The following AOAH variants were observed in gnomAD, a reference collection of about 807,000 sequenced individuals.
AOAH encodes the protein acyloxyacyl hydrolase (neutrophil).
Under a neutral mutation model 92.2 loss-of-function variants are expected in AOAH, and 64 were observed. That is an observed-to-expected ratio of 0.69 (90% CI 0.57 to 0.86). The LOEUF is 0.86. Among genes scored for constraint, AOAH ranks in the 40% least tolerant of loss-of-function variants. The pLI, the probability that AOAH is intolerant of heterozygous loss-of-function variation, is 0.00. For missense variants in AOAH, 656 were observed against 694.6 expected, an observed-to-expected ratio of 0.94 and a Z score of 0.62; for synonymous variants, 263 against 254.5, an observed-to-expected ratio of 1.03 and a Z score of -0.32.
chr7:36,575,384 C>T (rs1480552123), intron 13 of AOAH, among the ~76,000 whole-genome samples: 1 of 152,152 alleles, frequency 6.6e-6, no homozygotes, highest in African/African-American at 2.4e-5. Context: ...TCCATTTCCC[C>T]AGCTGCTACG....
At chr7:36,536,676 C>T (rs557093620) in intron 16 of AOAH, among the ~76,000 whole-genome samples, 41 of 152,242 alleles carry the variant, frequency 2.7e-4, no homozygotes, top group African/African-American at 8.9e-4. Context: ...CAGCTGGGAA[C>T]GGTGGCTCAT....
intron 13 of AOAH, among the ~76,000 whole-genome samples, chr7:36,560,915 C>T (rs1228844161): frequency 3.3e-5 from 5 of 152,186 alleles, no homozygotes; most frequent in Admixed American, 6.5e-5. Context: ...TTTACCTACT[C>T]CATCCATTTC....
chr7:36,519,347 G>T (rs570191141), intron 20 of AOAH, among the ~76,000 whole-genome samples: 124 of 152,354 alleles, frequency 8.1e-4, no homozygotes, highest in Non-Finnish European at 1.0e-3. Flanking sequence ...AGTTGCCTCT[G>T]CTCAGAATAC....
chr7:36,517,226 G>T (rs55933702), intron 20 of AOAH, among the ~76,000 whole-genome samples: 44,741 of 120,538 alleles, frequency 0.37, 10,125 homozygotes, highest in Middle Eastern at 0.5. Flanking sequence ...CTTTCTTTCT[G>T]TCTCTCTCTC....
chr7:36,557,023 CATT>C (rs1786784093), intron 13 of AOAH, among the ~76,000 whole-genome samples: 1 of 151,906 alleles, frequency 6.6e-6, no homozygotes, highest in South Asian at 2.1e-4. Flanking sequence ...TTGATCCTGT[CATT>C]ATGATATTAG....
Position 36,548,693 on chromosome 7 carries a change from A to C in AOAH, c.1059-7T>G. On this transcript the variant is annotated splice_polypyrimidine_tract_variant and splice_region_variant and intron_variant, in intron 14 of 20. Transcript: ENST00000617537. The stretch of plus-strand genomic sequence containing the variant: ...CACCTTGTTTCTAGACAAGCTGAGA[A>C]GGCATAGATGGAATCTGAATGTCAG... The C allele has an allele frequency of 6.2e-7, 1 of 1,611,846 alleles. No homozygotes were observed. Among genetic ancestry groups the C allele is most frequent in the Non-Finnish European group, 8.5e-7 (1 of 1,178,076 alleles).
intron 2 of AOAH, among the ~76,000 whole-genome samples, chr7:36,682,923 C>T (rs555473521): frequency 3.3e-5 from 5 of 151,714 alleles, no homozygotes; most frequent in South Asian, 2.1e-4. Flanking sequence ...TCAAGGAAAC[C>T]GAACAAACAC....
At chr7:36,721,561 C>T (rs1366775053) in intron 1 of AOAH, among the ~76,000 whole-genome samples, 1 of 152,200 alleles carries the variant, frequency 6.6e-6, no homozygotes, top group Non-Finnish European at 1.5e-5. Flanking sequence ...CTCTTGCACC[C>T]ACCTTTCTTG....
At position 36,531,808 on chromosome 7, in the gene AOAH, C is replaced by T. The variant is rs538767689; in HGVS notation, c.1425+339G>A. Among the ~76,000 whole-genome samples the T allele has an allele frequency of 2.6e-5, 4 of 152,196 alleles. No individual in the cohort carries two copies. The South Asian group carries it at 8.3e-4, about 32-fold the overall frequency. ...GCCAACCTCAATCAGCTCTCTCCAA[C>T]TCCACAACTATGCTTAGGACCAGCT... On this transcript the variant is annotated intron_variant, in intron 18 of 20. Transcript: ENST00000617537.
At chr7:36,701,438 C>G (rs577611754) in intron 1 of AOAH, among the ~76,000 whole-genome samples, 1 of 150,442 alleles carries the variant, frequency 6.6e-6, no homozygotes, top group African/African-American at 2.4e-5. Context: ...TATTTGGGGG[C>G]TTTTAAATTA....
intron 16 of AOAH, among the ~76,000 whole-genome samples, chr7:36,534,898 G>A (rs62447184): frequency 0.038 from 5,726 of 151,876 alleles, 168 homozygotes; most frequent in Non-Finnish European, 0.058. Context: ...GTGTGTCTTC[G>A]TGTGTGTCTG....
At chr7:36,669,904 G>C (rs187235696) in intron 3 of AOAH, among the ~76,000 whole-genome samples, 1 of 152,174 alleles carries the variant, frequency 6.6e-6, no homozygotes. Flanking sequence ...AGAGACCAGA[G>C]TCAGGCTTGC....
intron 12 of AOAH, among the ~76,000 whole-genome samples, chr7:36,577,502 A>G (rs1225525887): frequency 1.3e-5 from 2 of 152,162 alleles, no homozygotes; most frequent in Non-Finnish European, 1.5e-5. Context: ...TGTGTGAGAG[A>G]AATAAACTCA....
chr7:36,668,642 A>AC (rs570545851), intron 3 of AOAH, among the ~76,000 whole-genome samples: 60 of 152,168 alleles, frequency 3.9e-4, no homozygotes, highest in African/African-American at 1.4e-3. Context: ...GTGCACCGCC[A>AC]CCCCCGGCTA....
intron 1 of AOAH, among the ~76,000 whole-genome samples, chr7:36,718,694 C>T (rs562505972): frequency 1.5e-4 from 23 of 152,214 alleles, no homozygotes; most frequent in Non-Finnish European, 2.9e-4. Context: ...TCAAAGAGGC[C>T]TGTAGCAAAA....
chr7:36,665,913 G>A (rs754770439), intron 3 of AOAH, among the ~76,000 whole-genome samples: 38 of 152,044 alleles, frequency 2.5e-4, no homozygotes, highest in Non-Finnish European at 4.4e-4. Flanking sequence ...TAGTTGTAGC[G>A]TATAATTCTT....
At chr7:36,566,932 C>A (rs1010992281) in intron 13 of AOAH, among the ~76,000 whole-genome samples, 1 of 152,058 alleles carries the variant, frequency 6.6e-6, no homozygotes, top group Non-Finnish European at 1.5e-5. Flanking sequence ...TGCTAAGTCT[C>A]TGAATAGCTG....
chr7:36,555,950 A>AT (rs1188985755), intron 13 of AOAH, among the ~76,000 whole-genome samples: 4 of 151,868 alleles, frequency 2.6e-5, no homozygotes, highest in East Asian at 1.9e-4. Flanking sequence ...GGATTCATTG[A>AT]TTTTTTGAAG....
chr7:36,535,008 C>A (rs1304586611), intron 16 of AOAH, among the ~76,000 whole-genome samples: 1 of 75,044 alleles, frequency 1.3e-5, no homozygotes, highest in South Asian at 5.6e-4. Flanking sequence ...TTGTGTGTAT[C>A]TGTGTGTGTC....
Sources: allele counts gnomAD v4.1 joint callset (sites outside exome capture counted in the v4.1 genomes callset), GRCh38; gene constraint gnomAD v4.1.1; transcripts MANE v1.5; gene names NCBI Gene and HGNC (gene_info 2026-07-23, HGNC 2026-07-21).